The following PIEZO2 variants were observed in gnomAD, a reference collection of about 807,000 sequenced individuals.
PIEZO2 encodes piezo type mechanosensitive ion channel component 2, also known as piezo-type mechanosensitive ion channel component 2.
A neutral mutation model predicts 337.3 loss-of-function variants in PIEZO2; 172 were observed. The observed-to-expected ratio is 0.51, with a 90% confidence interval of 0.45 to 0.58. The LOEUF (loss-of-function observed/expected upper bound fraction) is 0.58. Ranked by LOEUF, PIEZO2 falls within the 20% of genes least tolerant of loss-of-function variation. The pLI, the probability that PIEZO2 is intolerant of heterozygous loss-of-function variation, is 0.00. For missense variants in PIEZO2, 3,028 were observed against 3,391.3 expected, an observed-to-expected ratio of 0.89 and a Z score of 2.66; for synonymous variants, 1,251 against 1,228.5, an observed-to-expected ratio of 1.02 and a Z score of -0.38.
rs2038354081 is a variant in PIEZO2, at chr18:10,766,311, GGAAGGAGAAGTA to G, written c.2947-3225_2947-3214del. Among the ~76,000 whole-genome samples, 1 of 151,444 alleles carries G rather than the reference GGAAGGAGAAGTA, an allele frequency of 6.6e-6. No individual in the cohort carries two copies. The highest frequency in any genetic ancestry group is 2.4e-5 in the African/African-American group (1 of 41,130). Reference sequence around the variant, plus strand: ...AGGGGAAGCAGAAAGGAGGGGAAGGGGAAGGAGAAGTAGGAGGAGAAGGAGGAGGAGGAGGAC... The same window carrying G: ...AGGGGAAGCAGAAAGGAGGGGAAGGGGGAGGAGAAGGAGGAGGAGGAGGAC... On this transcript the variant is annotated intron_variant, in intron 21 of 55. Coordinates refer to ENST00000674853, the MANE Select transcript of PIEZO2 (RefSeq NM_001378183.1). The surrounding 1 kb of genome is among the most constrained non-coding windows in gnomAD (Gnocchi z 6.1).
intron 21 of PIEZO2, 43 bp from the exon 22 acceptor site, chr18:10,763,141 C>A (rs1339545415): frequency 6.6e-7 from 1 of 1,513,498 alleles, no homozygotes; most frequent in South Asian, 1.2e-5. Context: ...ATACGTAACA[C>A]GGCATAACAA....
At chr18:11,043,603 T>G (rs1021027917) in intron 2 of PIEZO2, among the ~76,000 whole-genome samples, 4 of 151,978 alleles carry the variant, frequency 2.6e-5, no homozygotes, top group African/African-American at 9.7e-5. Context: ...TAACAAGAAC[T>G]GAGAGTAAGA....
chr18:11,089,743 G>T (rs993265922), intron 1 of PIEZO2, among the ~76,000 whole-genome samples: 1 of 152,158 alleles, frequency 6.6e-6, no homozygotes, highest in Non-Finnish European at 1.5e-5. Flanking sequence ...GCTTTGCAGG[G>T]GTCCTCAGGA....
At chr18:11,141,171 A>G (rs2040633520) in intron 1 of PIEZO2, among the ~76,000 whole-genome samples, 1 of 152,250 alleles carries the variant, frequency 6.6e-6, no homozygotes, top group Non-Finnish European at 1.5e-5. Flanking sequence ...CAAGAAGAAC[A>G]GAATTGTCTT....
Position 10,784,657 on chromosome 18 carries a change from A to C in PIEZO2, c.2492+127T>G. The C allele has an allele frequency of 1.1e-6, 1 of 872,008 alleles. No individual in the cohort carries two copies. The allele number at this position is 872,008 out of a possible 1,614,324, so 54.0% of individuals were successfully genotyped here. ...GTTTTCCTCTTTTTCTCACAAGCTG[A>C]TACTCATGGAAAATTCAAGGCTGAA... On this transcript the variant is annotated intron_variant, in intron 17 of 55. Transcript: ENST00000674853. This position sits in a 1 kb window ranked among gnomAD's most constrained non-coding sequence, Gnocchi z 4.5.
intron 11 of PIEZO2, among the ~76,000 whole-genome samples, chr18:10,799,485 T>G (rs1213674282): frequency 6.6e-6 from 1 of 151,922 alleles, no homozygotes; most frequent in African/African-American, 2.4e-5. Flanking sequence ...TGATGGCTAT[T>G]TGAATTTGTT....
chr18:10,775,941 A>G lies in PIEZO2; in HGVS notation c.2535-1903T>C, dbSNP rs2038770902. Among the ~76,000 whole-genome samples, 1 of 152,114 alleles carries G rather than the reference A, an allele frequency of 6.6e-6. No homozygotes were observed. The highest frequency in any genetic ancestry group is 6.5e-5 in the Admixed American group (1 of 15,274). On this transcript the variant is annotated intron_variant, in intron 18 of 55. Transcript: ENST00000674853. This position sits in a 1 kb window ranked among gnomAD's most constrained non-coding sequence, Gnocchi z 4.3. Reference sequence around the variant, plus strand: ...AAAGAAAAAAAAAAAGAAATTATGTATCAGGCTGTCATTTACTAGTCTAGG... The same window carrying G: ...AAAGAAAAAAAAAAAGAAATTATGTGTCAGGCTGTCATTTACTAGTCTAGG...
intron 2 of PIEZO2, among the ~76,000 whole-genome samples, chr18:11,037,607 G>A (rs1456387288): frequency 6.6e-6 from 1 of 152,080 alleles, no homozygotes; most frequent in African/African-American, 2.4e-5. Flanking sequence ...TGGAATGAGA[G>A]GGAACTTCAT....
In PIEZO2 at chr18:11,111,451, G is replaced by T. The variant is rs1389003884; in HGVS notation, c.64+37074C>A. On this transcript the variant is annotated intron_variant, in intron 1 of 55. Coordinates refer to ENST00000674853, the MANE Select transcript of PIEZO2 (RefSeq NM_001378183.1). This position sits in a 1 kb window ranked among gnomAD's most constrained non-coding sequence, Gnocchi z 6.2. ...AAATTATACCATCTGGCAAAACTAGGCTCACGTGGCACGTGGCAACAATAG... is the reference window on the plus strand; with the variant it reads ...AAATTATACCATCTGGCAAAACTAGTCTCACGTGGCACGTGGCAACAATAG... 6.6e-6 allele frequency among the ~76,000 whole-genome samples: 1 copy of T among 152,076 alleles called. No individual in the cohort carries two copies. Among genetic ancestry groups the T allele is most frequent in the Non-Finnish European group, 1.5e-5 (1 of 68,022 alleles).
intron 9 of PIEZO2, 131 bp from the exon 10 acceptor site, chr18:10,801,559 G>A: frequency 1.3e-6 from 1 of 767,592 alleles, no homozygotes; most frequent in Non-Finnish European, 2.1e-6. Flanking sequence ...TATTAATATT[G>A]CCATGCAAAA....
chr18:11,013,305 T>C (rs1225256577), intron 2 of PIEZO2, among the ~76,000 whole-genome samples: 1 of 152,040 alleles, frequency 6.6e-6, no homozygotes, highest in Non-Finnish European at 1.5e-5. Context: ...ATTGCTGGCT[T>C]TGAAGACAGA....
At chr18:11,123,003 T>TC (rs397955267) in intron 1 of PIEZO2, among the ~76,000 whole-genome samples, 4 of 151,666 alleles carry the variant, frequency 2.6e-5, no homozygotes, top group Admixed American at 6.6e-5. Flanking sequence ...TGCGGCTTTT[T>TC]CCCAAAAGTA....
intron 3 of PIEZO2, among the ~76,000 whole-genome samples, chr18:10,935,309 T>C (rs563000971): frequency 6.6e-6 from 1 of 152,092 alleles, no homozygotes; most frequent in Non-Finnish European, 1.5e-5. Flanking sequence ...TTCACAGTAA[T>C]GAACAAAGAG....
chr18:10,694,569 G>A (rs1427062210), intron 47 of PIEZO2, among the ~76,000 whole-genome samples: 2 of 152,184 alleles, frequency 1.3e-5, no homozygotes, highest in East Asian at 3.8e-4. Context: ...AGTGGCTCAT[G>A]CCTGCAATCC....
At chr18:10,912,849 C>T (rs1265572395) in intron 3 of PIEZO2, among the ~76,000 whole-genome samples, 1 of 152,112 alleles carries the variant, frequency 6.6e-6, no homozygotes, top group Non-Finnish European at 1.5e-5. Flanking sequence ...TAATAAATGA[C>T]TAAATTTCGG....
chr18:10,788,530 G>A (rs1191482288), intron 15 of PIEZO2, among the ~76,000 whole-genome samples: 2 of 151,644 alleles, frequency 1.3e-5, no homozygotes, highest in African/African-American at 4.8e-5. Context: ...ATAATTTTTG[G>A]AAAACCTATG....
At position 10,819,238 on chromosome 18, in the gene PIEZO2, A is replaced by T. The variant is rs1320666357; in HGVS notation, c.918-11964T>A. On this transcript the variant is annotated intron_variant, in intron 7 of 55. Coordinates refer to ENST00000674853, the MANE Select transcript of PIEZO2 (RefSeq NM_001378183.1). This position sits in a 1 kb window ranked among gnomAD's most constrained non-coding sequence, Gnocchi z 4.3. ...AGTGGATTTGGATAAAACTGGAGGC[A>T]TTTGTATGATATACAGTTAAATATT... 6.6e-6 allele frequency among the ~76,000 whole-genome samples: 1 copy of T among 152,230 alleles called. No homozygotes were observed.
chr18:11,069,027 TA>T lies in PIEZO2; in HGVS notation c.65-2806del, dbSNP rs2038248825. 6.6e-6 allele frequency among the ~76,000 whole-genome samples: 1 copy of T among 151,804 alleles called. No homozygotes were observed. Among genetic ancestry groups the T allele is most frequent in the African/African-American group, 2.4e-5 (1 of 41,212 alleles). Reference sequence around the variant, plus strand: ...AAAGTAAGGAGATTGGAATCGGTGATAAAAAGTCTCCCCTCAAAAATAAATG... The same window carrying T: ...AAAGTAAGGAGATTGGAATCGGTGATAAAAGTCTCCCCTCAAAAATAAATG... On this transcript the variant is annotated intron_variant, in intron 1 of 55. Transcript: ENST00000674853. This position sits in a 1 kb window ranked among gnomAD's most constrained non-coding sequence, Gnocchi z 4.9.
intron 3 of PIEZO2, among the ~76,000 whole-genome samples, chr18:10,916,525 G>C (rs1279292548): frequency 6.6e-5 from 10 of 152,164 alleles, no homozygotes. Context: ...CTGCTGGCCC[G>C]AGTGCTAAGC....
Sources: gnomAD v4.1 joint callset for allele counts (sites outside exome capture counted in the v4.1 genomes callset) on GRCh38, gnomAD v4.1.1 for gene constraint, Gnocchi (gnomAD v3.1) non-coding constraint, MANE v1.5 for transcripts, NCBI Gene and HGNC (gene_info 2026-07-23, HGNC 2026-07-21) for gene names.